PSG3: variants seen among roughly 807,000 people sequenced by gnomAD.
The protein encoded by PSG3 is pregnancy-specific beta-1-glycoprotein 3.
In PSG3, 61 loss-of-function variants were observed where a neutral mutation model predicts 47.5. That is an observed-to-expected ratio of 1.28 (90% CI 1.05 to 1.59). PSG3 has a LOEUF of 1.59. Among genes scored for constraint, PSG3 ranks in the 40% most tolerant of loss-of-function variants. PSG3 has a pLI of 0.00. For missense variants in PSG3, 756 were observed against 524.0 expected (o/e 1.44, Z -4.32); for synonymous variants, 263 against 198.4 (o/e 1.33, Z -2.74).
rs1223764226 is a variant in PSG3, at chr19:42,729,329, G to C, written c.1037C>G (p.Ser346Ter). The change falls in exon 5 of 7, where the codon TCA becomes TGA. Residue 346 changes from serine (S) to a stop codon, truncating the protein, a stop_gained. Transcript: ENST00000327495. LOFTEE classifies it high-confidence loss of function. ...GCAGGACAAGTAGAGGTTTTCTCCT[G>C]AATGGTAATAGGTGAATGAAGGGTA... ...RIYPSFTYYH[S>*]GENLYLSCFA... 1.2e-6 allele frequency: 2 copies of C among 1,614,022 alleles called. No homozygotes were observed. Among genetic ancestry groups the C allele is most frequent in the African/African-American group, 2.7e-5 (2 of 74,930 alleles).
At chr19:42,735,133 GTA>G (rs1386024040) in intron 2 of PSG3, among the ~76,000 whole-genome samples, 3 of 152,182 alleles carry the variant, frequency 2.0e-5, no homozygotes, top group African/African-American at 7.2e-5. Context: ...CCCATTACGT[GTA>G]TCTTATAGCC....
At chr19:42,728,896 G>A (rs10407819) in intron 5 of PSG3, among the ~76,000 whole-genome samples, 1 of 152,002 alleles carries the variant, frequency 6.6e-6, no homozygotes, top group Non-Finnish European at 1.5e-5. Flanking sequence ...GATAAAGCCC[G>A]CTCCGTACCT....
Position 42,732,891 on chromosome 19 carries a change from G to T in PSG3, c.602C>A (p.Thr201Asn), listed in dbSNP as rs778259724. ...CTTTGTGACACCAAATAGAAAGAGG[G>T]TCCTTTTGTTTTTGGACAACTGCAA... ...HSLQLSKNKR[T>N]LFLFGVTKYT... The change falls in exon 3 of 7, where the codon ACC becomes AAC. Residue 201 changes from threonine (T) to asparagine (N), a missense_variant. Transcript: ENST00000327495. The T allele has an allele frequency of 8.7e-6, 14 of 1,613,988 alleles. 1 individual carries two copies. The East Asian group carries it at 1.8e-4, about 21-fold the overall frequency.
chr19:42,731,928 A>G (rs1458818334), intron 3 of PSG3: 1 of 151,160 alleles, frequency 6.6e-6, no homozygotes, highest in South Asian at 2.1e-4. Context: ...CAGATTGTTC[A>G]TTGTTAGTGT....
At chr19:42,728,411 G>A (rs1055833725) in intron 5 of PSG3, among the ~76,000 whole-genome samples, 5 of 152,316 alleles carry the variant, frequency 3.3e-5, no homozygotes, top group Middle Eastern at 3.4e-3. Context: ...CCCAGGTGCT[G>A]TGCCCACAGC....
Position 42,738,967 on chromosome 19 carries a change from C to G in PSG3, c.187G>C (p.Ala63Pro). 1 of 1,613,992 alleles carries G rather than the reference C, an allele frequency of 6.2e-7. No homozygotes were observed. The change falls in exon 2 of 7, where the codon GCT becomes CCT. Residue 63 changes from alanine to proline, a missense_variant. Ala to Pro is a conservative substitution (Grantham distance 27). Transcript: ENST00000327495. ...LLVHNLPQNL[A>P]GYIWYKGQMK... ...TGCCCTTTGTACCAGATGTAGCCAGCAAGATTCTGGGGCAAATTGTGGACA... is the reference window on the plus strand; with the variant it reads ...TGCCCTTTGTACCAGATGTAGCCAGGAAGATTCTGGGGCAAATTGTGGACA...
At chr19:42,730,592 C>G (rs1242470877) in intron 3 of PSG3, among the ~76,000 whole-genome samples, 1 of 152,144 alleles carries the variant, frequency 6.6e-6, no homozygotes, top group Non-Finnish European at 1.5e-5. Context: ...ACAGGGGAGA[C>G]CAGAATCAAG....
chr19:42,726,311 T>G (rs1329184432), intron 5 of PSG3, among the ~76,000 whole-genome samples: 6 of 150,902 alleles, frequency 4.0e-5, no homozygotes, highest in Non-Finnish European at 8.9e-5. Context: ...AGGCAAGAAT[T>G]TAAAAAAAGA....
At chr19:42,738,611 G>A (rs1818697145) in intron 2 of PSG3, 113 bp downstream of exon 2, 1 of 1,594,372 alleles carries the variant, frequency 6.3e-7, no homozygotes, top group African/African-American at 1.3e-5. Context: ...CCAAACCCCA[G>A]CATGGGACAT....
chr19:42,729,791 G>T lies in PSG3; in HGVS notation c.975C>A (p.Thr325=). 1 of 1,613,692 alleles carries T rather than the reference G, an allele frequency of 6.2e-7. No individual in the cohort carries two copies. ...RYGGIRSYPV[T]LNVLYGPDLP... is the part of the protein sequence containing the mutation. ...AAAGATACTCACAGAGGACATTCAG[G>T]GTGACTGGGTAACTGCGGATGCCAC... Residue 325 remains threonine, a synonymous_variant, in exon 4 of 7, where the codon ACC becomes ACA. Transcript: ENST00000327495.
chr19:42,736,388 T>C (rs897049394), intron 2 of PSG3, among the ~76,000 whole-genome samples: 3 of 151,980 alleles, frequency 2.0e-5, no homozygotes, highest in Non-Finnish European at 2.9e-5. Flanking sequence ...TACCTAGAGG[T>C]GGATTCAAGC....
At position 42,729,054 on chromosome 19, in the gene PSG3, G is replaced by C. The variant is rs1434761917; in HGVS notation, c.1243+69C>G. On this transcript the variant is annotated intron_variant, in intron 5 of 6. Coordinates refer to ENST00000327495, the MANE Select transcript of PSG3 (RefSeq NM_021016.4). ...AGGCTGGGAATAAAAATGTTTTCCTGACTCTTCTCTGAAAGCCAGAGAGAC... is the reference window on the plus strand; with the variant it reads ...AGGCTGGGAATAAAAATGTTTTCCTCACTCTTCTCTGAAAGCCAGAGAGAC... 2.5e-6 allele frequency: 4 copies of C among 1,611,506 alleles called. No individual in the cohort carries two copies. In the East Asian group the frequency reaches 8.9e-5, roughly 36 times the overall value.
chr19:42,740,309 T>C lies in PSG3; in HGVS notation c.64+12A>G, dbSNP rs750342417. On this transcript the variant is annotated intron_variant, in intron 1 of 6. Transcript: ENST00000327495. ...CCTCCTCCTGTCCTCTCCCAGGAAG[T>C]TCTCTCCTCACCTGTGAGCAGGAGC... 1.4e-5 allele frequency: 23 copies of C among 1,613,886 alleles called. No homozygotes were observed. In the Middle Eastern group the frequency reaches 6.6e-4, roughly 46 times the overall value.
At chr19:42,737,520 G>C (rs531767158) in intron 2 of PSG3, among the ~76,000 whole-genome samples, 1 of 148,746 alleles carries the variant, frequency 6.7e-6, no homozygotes, top group African/African-American at 2.4e-5. Flanking sequence ...TAAGATCTGA[G>C]GGGGAGGCCT....
chr19:42,728,243 G>T (rs1045793323), intron 5 of PSG3, among the ~76,000 whole-genome samples: 1 of 152,140 alleles, frequency 6.6e-6, no homozygotes, highest in Non-Finnish European at 1.5e-5. Context: ...ATAGTTAATG[G>T]TAAGTCTTAT....
At chr19:42,726,032 A>G (rs1309646384) in intron 5 of PSG3, among the ~76,000 whole-genome samples, 2 of 152,164 alleles carry the variant, frequency 1.3e-5, no homozygotes, top group African/African-American at 4.8e-5. Flanking sequence ...CCCTAGAAAC[A>G]CACAAAAATA....
At chr19:42,733,132 A>G (rs1315742897) in intron 2 of PSG3, 70 bp from the exon 3 acceptor site, 5 of 1,560,962 alleles carry the variant, frequency 3.2e-6, no homozygotes, top group East Asian at 4.5e-5. Flanking sequence ...TTTTTCAATC[A>G]GAGTTGGCAT....
chr19:42,722,754 A>C (rs1279742512), intron 6 of PSG3, among the ~76,000 whole-genome samples: 2 of 152,302 alleles, frequency 1.3e-5, no homozygotes, highest in East Asian at 3.9e-4. Context: ...GTATAGTCTT[A>C]TGTATGTTGA....
At position 42,740,333 on chromosome 19, in the gene PSG3, G is replaced by C. The variant is rs11880551; in HGVS notation, c.52C>G (p.Leu18Val). ...GTTCTCTCCTCACCTGTGAGCAGGA[G>C]CCCCTTCCAGGTGATGCGCTGTGTG... is the stretch of plus-strand genomic sequence containing the variant. Reference protein sequence around the residue: ...PCTQRITWKGLLLTALLLNFW... With the variant: ...PCTQRITWKGVLLTALLLNFW... The change falls in exon 1 of 7, where the codon CTC becomes GTC. Residue 18 changes from leucine to valine, a missense_variant. Leu to Val is a conservative substitution (Grantham distance 32, BLOSUM62 1). Transcript: ENST00000327495. 0.11 allele frequency: 170,392 copies of C among 1,609,964 alleles called. 18,325 individuals carry two copies. Among genetic ancestry groups the C allele is most frequent in the African/African-American group, 0.57 (42,964 of 74,754 alleles).
Sources: allele counts gnomAD v4.1 joint callset (sites outside exome capture counted in the v4.1 genomes callset), GRCh38; gene constraint gnomAD v4.1.1; transcripts MANE v1.5; gene names NCBI Gene and HGNC (gene_info 2026-07-23, HGNC 2026-07-21).